TAB2: variants seen among roughly 807,000 people sequenced by gnomAD.
TAB2 encodes the protein TGF-beta-activated kinase 1 and MAP3K7-binding protein 2.
Under a neutral mutation model 65.0 loss-of-function variants are expected in TAB2, and 3 were observed. The ratio of observed to expected loss-of-function variants is 0.05; its 90% CI spans 0.02 to 0.12. The LOEUF (loss-of-function observed/expected upper bound fraction) is 0.12, where lower values mean the gene tolerates loss of function less well. TAB2 is among the 10% of genes least tolerant of loss of function. The pLI is 1.00. For missense variants in TAB2, 623 were observed against 840.3 expected, an observed-to-expected ratio of 0.74 and a Z score of 3.20; for synonymous variants, 298 against 285.1, an observed-to-expected ratio of 1.05 and a Z score of -0.46.
At chr6:149,363,326 C>A (rs962531683) in intron 1 of TAB2, among the ~76,000 whole-genome samples, 14 of 152,078 alleles carry the variant, frequency 9.2e-5, no homozygotes, top group African/African-American at 2.9e-4. Flanking sequence ...ACCACCAGGC[C>A]TCACCTCCAA....
chr6:149,352,992 C>G (rs976281970), intron 1 of TAB2, among the ~76,000 whole-genome samples: 1 of 152,180 alleles, frequency 6.6e-6, no homozygotes, highest in African/African-American at 2.4e-5. Context: ...TGCTTACACA[C>G]TCAACTTTGT....
chr6:149,264,338 T>C (rs1778216892), intron 1 of TAB2, among the ~76,000 whole-genome samples: 1 of 152,232 alleles, frequency 6.6e-6, no homozygotes, highest in African/African-American at 2.4e-5. Flanking sequence ...ATGAGAGTTC[T>C]GACATTAATG....
At chr6:149,358,341 A>T (rs1378136886) in intron 1 of TAB2, among the ~76,000 whole-genome samples, 1 of 152,162 alleles carries the variant, frequency 6.6e-6, no homozygotes, top group Admixed American at 6.5e-5. Flanking sequence ...CACATGAAGC[A>T]AGTTTGTCTT....
intron 1 of TAB2, chr6:149,342,843 A>G (rs1012975000): frequency 4.6e-5 from 7 of 152,202 alleles, no homozygotes; most frequent in Non-Finnish European, 7.3e-5. Flanking sequence ...GGTATGCTAA[A>G]GTCCATGGCA....
rs566524487 is a variant in TAB2 at position 149,284,575 on chromosome 6, C to T, written c.-121+65799C>T. 2.8e-4 allele frequency among the ~76,000 whole-genome samples: 42 copies of T among 151,690 alleles called. 3 individuals are homozygous for T. The South Asian group carries it at 8.5e-3, about 31-fold the overall frequency. On this transcript the variant is annotated intron_variant, in intron 1 of 1. Transcript: ENST00000606202. Reference sequence around the variant, plus strand: ...GATGCTTTCAGGACTAAGAGGAGGTCGCATCTAATAAAAAATTAGATCTAA... The same window carrying T: ...GATGCTTTCAGGACTAAGAGGAGGTTGCATCTAATAAAAAATTAGATCTAA...
In TAB2 at chr6:149,379,114, T is replaced by C. The variant is rs1208866872; in HGVS notation, c.1199T>C (p.Val400Ala). 6.2e-7 allele frequency: 1 copy of C among 1,613,952 alleles called. No homozygotes were observed. Among genetic ancestry groups the C allele is most frequent in the Admixed American group, 1.7e-5 (1 of 59,996 alleles). Residue 400 changes from valine to alanine, a missense_variant, in exon 3 of 7, where the codon GTC (valine) becomes GCC (alanine). Physicochemically the swap from Val to Ala is moderately conservative, Grantham distance 64. Transcript: ENST00000637181. ...AATGCTGCCACAGGAGATGAACAGG[T>C]CATGCGGAATCAGCCCACACTCTTC... Reference protein sequence around the residue: ...SANAATGDEQVMRNQPTLFIS... With the variant: ...SANAATGDEQAMRNQPTLFIS...
At chr6:149,290,782 T>C (rs925584967) in intron 1 of TAB2, among the ~76,000 whole-genome samples, 2 of 152,030 alleles carry the variant, frequency 1.3e-5, no homozygotes, top group Admixed American at 1.3e-4. Context: ...GAGGCAGAGG[T>C]TGCAGTGAGC....
At chr6:149,364,670 AGAT>A (rs1666727628) in intron 1 of TAB2, among the ~76,000 whole-genome samples, 1 of 150,498 alleles carries the variant, frequency 6.6e-6, no homozygotes, top group East Asian at 2.0e-4. Flanking sequence ...GTAGATAAAT[AGAT>A]GATGATAGTC....
intron 1 of TAB2, among the ~76,000 whole-genome samples, chr6:149,343,810 A>G (rs183071104): frequency 2.0e-4 from 30 of 152,274 alleles, no homozygotes; most frequent in Admixed American, 1.6e-3. Flanking sequence ...CCTTTTACCA[A>G]TATATATAGA....
intron 3 of TAB2, among the ~76,000 whole-genome samples, chr6:149,380,564 T>A (rs1270741033): frequency 6.6e-6 from 1 of 152,234 alleles, no homozygotes; most frequent in African/African-American, 2.4e-5. Flanking sequence ...TTAAGTTACA[T>A]AATTTTCAGT....
At chr6:149,297,515 T>C (rs184698662) in intron 1 of TAB2, among the ~76,000 whole-genome samples, 167 of 152,294 alleles carry the variant, frequency 1.1e-3, no homozygotes, top group Middle Eastern at 6.8e-3. Context: ...TTTAAATACA[T>C]ATATATGCAC....
At chr6:149,393,789 T>A (rs1782076041) in intron 3 of TAB2, among the ~76,000 whole-genome samples, 1 of 151,800 alleles carries the variant, frequency 6.6e-6, no homozygotes, top group Non-Finnish European at 1.5e-5. Context: ...CATTTTTTCC[T>A]TTTATCATTA....
At chr6:149,252,496 A>T (rs1241029725) in intron 1 of TAB2, among the ~76,000 whole-genome samples, 1 of 151,980 alleles carries the variant, frequency 6.6e-6, no homozygotes, top group Non-Finnish European at 1.5e-5. Flanking sequence ...TTGGTGGCCT[A>T]TGGTAGATTG....
At chr6:149,264,577 A>C (rs1455027018) in intron 1 of TAB2, among the ~76,000 whole-genome samples, 1 of 152,206 alleles carries the variant, frequency 6.6e-6, no homozygotes. Flanking sequence ...CCACCACCCG[A>C]GTACAGTGCG....
intron 3 of TAB2, among the ~76,000 whole-genome samples, chr6:149,385,632 A>T (rs1427903421): frequency 6.6e-6 from 1 of 152,182 alleles, no homozygotes; most frequent in Non-Finnish European, 1.5e-5. Flanking sequence ...TTTGGGGTAA[A>T]TGTCAGAATT....
chr6:149,323,642 T>C (rs1305945440), intron 1 of TAB2, among the ~76,000 whole-genome samples: 2 of 152,194 alleles, frequency 1.3e-5, no homozygotes, highest in African/African-American at 4.8e-5. Flanking sequence ...CAGTCAACTC[T>C]TTCCTGTTCT....
chr6:149,365,348 G>GCTA (rs1307297441), intron 1 of TAB2, among the ~76,000 whole-genome samples: 1 of 152,134 alleles, frequency 6.6e-6, no homozygotes, highest in African/African-American at 2.4e-5. Context: ...CTCCACAAAG[G>GCTA]CTACATTTTC....
chr6:149,254,945 TTTA>T (rs1341907602), intron 1 of TAB2, among the ~76,000 whole-genome samples: 4 of 152,228 alleles, frequency 2.6e-5, no homozygotes, highest in African/African-American at 9.6e-5. Flanking sequence ...GACTTTGGAC[TTTA>T]GACCTTAAAG....
intron 1 of TAB2, among the ~76,000 whole-genome samples, chr6:149,305,968 CT>C (rs1330231508): frequency 1.3e-5 from 2 of 152,204 alleles, no homozygotes; most frequent in Admixed American, 1.3e-4. Flanking sequence ...CTTCACCCAC[CT>C]TTAAGTACCA....
Sources: gnomAD v4.1 joint callset for allele counts (sites outside exome capture counted in the v4.1 genomes callset) on GRCh38, gnomAD v4.1.1 for gene constraint, MANE v1.5 for transcripts, NCBI Gene and HGNC (gene_info 2026-07-23, HGNC 2026-07-21) for gene names.